Variants in SDK1 observed in about 807,000 individuals in gnomAD.
SDK1 encodes the protein sidekick cell adhesion molecule 1.
Under a neutral mutation model 245.5 loss-of-function variants are expected in SDK1, and 157 were observed. The ratio of observed to expected loss-of-function variants is 0.64; its 90% CI spans 0.56 to 0.73. The LOEUF (loss-of-function observed/expected upper bound fraction) is 0.73, where lower values mean the gene tolerates loss of function less well. SDK1 is among the 30% of genes least tolerant of loss of function. SDK1 has a pLI of 0.00. For missense variants in SDK1, 3,583 were observed against 3,002.3 expected (o/e 1.19, Z -4.52); for synonymous variants, 1,647 against 1,278.5 (o/e 1.29, Z -6.15).
intron 5 of SDK1, among the ~76,000 whole-genome samples, chr7:3,883,091 G>T (rs1299534042): frequency 6.6e-6 from 1 of 152,142 alleles, no homozygotes; most frequent in East Asian, 1.9e-4. Context: ...TTTTCTACTG[G>T]TTTCTACAGA....
At position 4,139,707 on chromosome 7, in the gene SDK1, GTGTGTGTGTGTGTA is replaced by G. The variant is rs1562872843; in HGVS notation, c.4229-6001_4229-5988del. On this transcript the variant is annotated intron_variant, in intron 28 of 44. Coordinates refer to ENST00000404826, the MANE Select transcript of SDK1 (RefSeq NM_152744.4). ...TGTGTGTGTATGTGTGTGTGTGTATGTGTGTGTGTGTGTATGTGTGTGTGTGTGTATGTGTGTGT... is the reference window on the plus strand; with the variant it reads ...TGTGTGTGTATGTGTGTGTGTGTATGTGTGTGTGTGTGTGTATGTGTGTGT... Among the ~76,000 whole-genome samples the G allele has an allele frequency of 4.9e-3, 39 of 7,950 alleles. 1 individual carries two copies. The highest frequency in any genetic ancestry group is 0.014 in the East Asian group (1 of 74). The allele number at this position is 7,950 out of a possible 152,430, so 5.2% of individuals were successfully genotyped here. A position where few individuals can be genotyped will look rare whatever the true frequency, so the allele number is the denominator to read the frequency against.
intron 17 of SDK1, among the ~76,000 whole-genome samples, chr7:4,028,758 A>G (rs1357988033): frequency 6.6e-6 from 1 of 152,228 alleles, no homozygotes; most frequent in Non-Finnish European, 1.5e-5. Context: ...CTCCCTGTCA[A>G]GATGAATGAG....
Position 3,971,471 on chromosome 7 carries a change from A to G in SDK1, c.1720A>G (p.Thr574Ala). ...ASATLTVWNRTSIVHPPEDHV... is the reference protein window; with the variant it reads ...ASATLTVWNRASIVHPPEDHV... The stretch of plus-strand genomic sequence containing the variant: ...GTGACTTGTGTTTTTTTCAGATCGG[A>G]CGTCCATCGTCCACCCTCCTGAGGA... The change falls in exon 12 of 45, where the codon ACG becomes GCG. Residue 574 changes from threonine (T) to alanine (A), a missense_variant. Physicochemically the swap from Thr to Ala is moderately conservative, Grantham distance 58 (BLOSUM62 0). Transcript: ENST00000404826. 1.2e-6 allele frequency: 2 copies of G among 1,610,752 alleles called. No homozygotes were observed. The highest frequency in any genetic ancestry group is 2.2e-5 in the East Asian group (1 of 44,866).
At chr7:3,707,170 A>AT (rs1452330219) in intron 4 of SDK1, among the ~76,000 whole-genome samples, 1 of 152,060 alleles carries the variant, frequency 6.6e-6, no homozygotes, top group Non-Finnish European at 1.5e-5. Context: ...ATCTTTCAGA[A>AT]TTTTTTGTGG....
chr7:4,227,471 C>T (rs146845361), intron 40 of SDK1: 79 of 469,434 alleles, frequency 1.7e-4, no homozygotes, highest in African/African-American at 1.1e-3. Context: ...CATGTTTAAG[C>T]GCCACCAGCT....
At chr7:3,307,534 A>T (rs10224769) in intron 1 of SDK1, among the ~76,000 whole-genome samples, 57,582 of 152,008 alleles carry the variant, frequency 0.38, 12,217 homozygotes, top group South Asian at 0.5. Flanking sequence ...TTATGGGAGC[A>T]TTGCTGTAGG....
At chr7:3,590,843 C>T (rs1338582780) in intron 1 of SDK1, among the ~76,000 whole-genome samples, 1 of 146,698 alleles carries the variant, frequency 6.8e-6, no homozygotes. Flanking sequence ...AGTGCAGTGG[C>T]ATGATCGTAG....
rs559979304 is a variant in SDK1 at position 4,051,811 on chromosome 7, G to T, written c.2892G>T (p.Leu964=). 44 of 1,612,054 alleles carry T rather than the reference G, an allele frequency of 2.7e-5. No homozygotes were observed. In the African/African-American group the frequency reaches 2.9e-4, roughly 11 times the overall value. The change falls in exon 19 of 45, where the codon CTG becomes CTT. Residue 964 remains leucine (L), a synonymous_variant. Transcript: ENST00000404826. ...ACGGGCCTCCCAGCACACCTCAGCT[G>T]GTCTGGACTCAGGAAGACAGTGAGT... ...PGDGPPSTPQ[L]VWTQEDKPGA...
chr7:3,451,567 T>C (rs896014687), intron 1 of SDK1, among the ~76,000 whole-genome samples: 2 of 152,196 alleles, frequency 1.3e-5, no homozygotes, highest in Non-Finnish European at 2.9e-5. Context: ...CAGAAACAAG[T>C]CGATTTCATC....
chr7:3,463,408 C>T (rs1172739326), intron 1 of SDK1, among the ~76,000 whole-genome samples: 1 of 152,148 alleles, frequency 6.6e-6, no homozygotes, highest in Non-Finnish European at 1.5e-5. Flanking sequence ...GAGCCCTGCA[C>T]TTAACACGTT....
At chr7:4,196,399 C>G (rs988444923) in intron 35 of SDK1, among the ~76,000 whole-genome samples, 2 of 152,264 alleles carry the variant, frequency 1.3e-5, no homozygotes, top group African/African-American at 4.8e-5. Context: ...GACTGTCTCA[C>G]TCTCTGCTTT....
At chr7:4,169,653 A>C (rs1455239260) in intron 32 of SDK1, among the ~76,000 whole-genome samples, 1 of 152,196 alleles carries the variant, frequency 6.6e-6, no homozygotes, top group Non-Finnish European at 1.5e-5. Context: ...CAAGGCTGGA[A>C]TATATTCCCC....
chr7:3,959,950 C>T (rs1267155683), intron 8 of SDK1, among the ~76,000 whole-genome samples: 1 of 152,162 alleles, frequency 6.6e-6, no homozygotes, highest in Admixed American at 6.5e-5. Flanking sequence ...CAGAGACAGG[C>T]TTGTCAAGGC....
At chr7:4,219,152 A>C (rs1477371305) in intron 38 of SDK1, among the ~76,000 whole-genome samples, 1 of 152,172 alleles carries the variant, frequency 6.6e-6, no homozygotes, top group East Asian at 1.9e-4. Flanking sequence ...CAGTGAAATT[A>C]ATTAATTTTT....
At chr7:3,472,103 G>A (rs964648123) in intron 1 of SDK1, among the ~76,000 whole-genome samples, 2 of 152,092 alleles carry the variant, frequency 1.3e-5, no homozygotes, top group Non-Finnish European at 1.5e-5. Flanking sequence ...TCCTTTATCT[G>A]TGTCTCCTTC....
chr7:3,643,780 A>G (rs925409301), intron 4 of SDK1: 1 of 150,606 alleles, frequency 6.6e-6, no homozygotes, highest in African/African-American at 2.5e-5. Flanking sequence ...CCCCCACCTG[A>G]GCATCTGTGG....
chr7:3,584,114 G>A (rs532546696), intron 1 of SDK1, among the ~76,000 whole-genome samples: 1 of 152,140 alleles, frequency 6.6e-6, no homozygotes, highest in African/African-American at 2.4e-5. Context: ...GTATGTTTTT[G>A]CAAACCTATT....
At chr7:3,664,464 C>T (rs936018860) in intron 4 of SDK1, among the ~76,000 whole-genome samples, 7 of 152,116 alleles carry the variant, frequency 4.6e-5, no homozygotes, top group Non-Finnish European at 4.4e-5. Flanking sequence ...AGCATCCGGG[C>T]ACAGTGGCTC....
intron 28 of SDK1, among the ~76,000 whole-genome samples, chr7:4,135,632 T>A (rs1271837234): frequency 1.3e-5 from 2 of 152,238 alleles, no homozygotes; most frequent in Non-Finnish European, 2.9e-5. Flanking sequence ...GCTTATTAGC[T>A]GAGTGAATTT....
Sources: allele counts gnomAD v4.1 joint callset (sites outside exome capture counted in the v4.1 genomes callset), GRCh38; gene constraint gnomAD v4.1.1; transcripts MANE v1.5; gene names NCBI Gene and HGNC (gene_info 2026-07-23, HGNC 2026-07-21).